RAB12: variants seen among roughly 807,000 people sequenced by gnomAD.
RAB12 encodes the protein ras-related protein Rab-12.
Under a neutral mutation model 28.4 loss-of-function variants are expected in RAB12, and 11 were observed. The observed-to-expected ratio is 0.39, with a 90% CI of 0.24 to 0.64. RAB12 has a LOEUF of 0.64. Ranked by LOEUF, RAB12 falls within the 30% of genes least tolerant of loss-of-function variation. RAB12 has a pLI of 0.50. For synonymous variants in RAB12, 138 were observed against 145.3 expected, an observed-to-expected ratio of 0.95 and a Z score of 0.36; for missense variants, 276 against 351.1, an observed-to-expected ratio of 0.79 and a Z score of 1.71.
chr18:8,622,037 A>G (rs988878310), intron 1 of RAB12, among the ~76,000 whole-genome samples: 4 of 152,188 alleles, frequency 2.6e-5, no homozygotes, highest in Non-Finnish European at 5.9e-5. Context: ...GGAGTTCGGT[A>G]AGTTGTTCAA....
intron 2 of RAB12, among the ~76,000 whole-genome samples, chr18:8,632,013 A>G (rs1259846004): frequency 6.6e-6 from 1 of 152,148 alleles, no homozygotes; most frequent in East Asian, 1.9e-4. Context: ...CTGGGCTGGT[A>G]GCTTACACCT....
chr18:8,623,641 G>A (rs1223992736), intron 1 of RAB12, among the ~76,000 whole-genome samples: 1 of 152,206 alleles, frequency 6.6e-6, no homozygotes, highest in Non-Finnish European at 1.5e-5. Flanking sequence ...CCTGGGTCAA[G>A]GCAGTGTCTG....
chr18:8,632,697 A>AAGTG (rs201838879), intron 2 of RAB12, among the ~76,000 whole-genome samples: 3,639 of 152,192 alleles, frequency 0.024, 70 homozygotes, highest in South Asian at 0.073. Flanking sequence ...GGAGTGGGTC[A>AAGTG]TGCATGTGTA....
chr18:8,637,792 A>G (rs2096019765), intron 5 of RAB12, among the ~76,000 whole-genome samples: 1 of 152,208 alleles, frequency 6.6e-6, no homozygotes, highest in African/African-American at 2.4e-5. Flanking sequence ...ATTTTATACC[A>G]TGTTCTTAAA....
intron 5 of RAB12, 114 bp from the exon 6 acceptor site, chr18:8,638,035 G>T: frequency 1.6e-6 from 1 of 642,826 alleles, no homozygotes; most frequent in Middle Eastern, 3.3e-4. Context: ...AACTTGTATT[G>T]AAAAGCAGCT....
At chr18:8,625,930 C>T (rs1189862761) in intron 2 of RAB12, among the ~76,000 whole-genome samples, 1 of 152,212 alleles carries the variant, frequency 6.6e-6, no homozygotes, top group Non-Finnish European at 1.5e-5. Flanking sequence ...CATTCTTCAT[C>T]CGTGTCCCTG....
intron 2 of RAB12, among the ~76,000 whole-genome samples, chr18:8,625,208 G>T (rs2096012019): frequency 6.6e-6 from 1 of 152,228 alleles, no homozygotes; most frequent in South Asian, 2.1e-4. Flanking sequence ...GGGAGCAGTT[G>T]TGGACAGAAG....
rs935010095 is a variant in RAB12 at position 8,639,102 on chromosome 18, C to A, written c.*840C>A. The A allele has an allele frequency of 1.4e-5, 2 of 139,162 alleles. No homozygotes were observed. Among genetic ancestry groups the A allele is most frequent in the Admixed American group, 1.5e-4 (2 of 13,120 alleles). The allele number at this position is 139,162 out of a possible 1,614,324, so 8.6% of individuals were successfully genotyped here. On this transcript the variant is annotated 3_prime_UTR_variant, in exon 6 of 6. Coordinates refer to ENST00000649141, the MANE Select transcript of RAB12 (RefSeq NM_001025300.3). ...TACCTTTGTAATGATAAAACTTCCC[C>A]CTTCTTTACGGTGAAGCTTATTCTG...
chr18:8,630,143 C>A (rs1230274215), intron 2 of RAB12, among the ~76,000 whole-genome samples: 1 of 152,198 alleles, frequency 6.6e-6, no homozygotes, highest in Admixed American at 6.5e-5. Flanking sequence ...ACACCTATGA[C>A]ACAGCATCAG....
chr18:8,618,058 C>T (rs1179947666), intron 1 of RAB12, among the ~76,000 whole-genome samples: 1 of 152,178 alleles, frequency 6.6e-6, no homozygotes, highest in Non-Finnish European at 1.5e-5. Context: ...GAGGAACTGT[C>T]CACTCACTCT....
At position 8,636,339 on chromosome 18, in the gene RAB12, C is replaced by T. The variant is rs1244757681; in HGVS notation, c.891C>T (p.Val297=). Residue 297 remains valine (V), a synonymous_variant, in exon 5 of 6, where the codon GTC becomes GTT. Transcript: ENST00000649141. ...FNVDEIFLKL[V]DDILKKMPLD... The stretch of plus-strand genomic sequence containing the variant: ...TGGACGAGATATTTTTGAAACTTGT[C>T]GATGACATTCTGAAAAAGGTAAAAA... 13 of 1,599,886 alleles carry T rather than the reference C, an allele frequency of 8.1e-6. No homozygotes were observed. The highest frequency in any genetic ancestry group is 1.1e-5 in the Non-Finnish European group (13 of 1,170,434).
chr18:8,623,375 A>T (rs1029997416), intron 1 of RAB12, among the ~76,000 whole-genome samples: 3 of 152,264 alleles, frequency 2.0e-5, no homozygotes, highest in Non-Finnish European at 4.4e-5. Flanking sequence ...ACTTCCCGCA[A>T]CAATAGAATA....
chr18:8,609,854 T>A lies in RAB12; in HGVS notation c.415T>A (p.Leu139Met). Reference protein sequence around the residue: ...KQPPRPADFKLQVIIIGSRGV... With the variant: ...KQPPRPADFKMQVIIIGSRGV... ...GCCCCCCAGGCCGGCCGACTTCAAG[T>A]TGCAGGTCATCATTATCGGCTCCCG... The change falls in exon 1 of 6, where the codon TTG becomes ATG. Residue 139 changes from leucine to methionine, a missense_variant. Physicochemically the swap from Leu to Met is conservative, Grantham distance 15. Transcript: ENST00000649141. The A allele has an allele frequency of 6.3e-7, 1 of 1,590,316 alleles. No homozygotes were observed. The highest frequency in any genetic ancestry group is 8.5e-7 in the Non-Finnish European group (1 of 1,170,162).
intron 1 of RAB12, among the ~76,000 whole-genome samples, chr18:8,610,717 C>G (rs2096003289): frequency 6.6e-6 from 1 of 152,116 alleles, no homozygotes; most frequent in Admixed American, 6.5e-5. Context: ...TGAGATTTCT[C>G]AGTTGGATGT....
chr18:8,628,043 T>C (rs1426213014), intron 2 of RAB12, among the ~76,000 whole-genome samples: 1 of 152,120 alleles, frequency 6.6e-6, no homozygotes, highest in Admixed American at 6.5e-5. Flanking sequence ...CAGAATAAGG[T>C]GGCATGCTAA....
intron 1 of RAB12, among the ~76,000 whole-genome samples, chr18:8,620,559 CT>C (rs35318465): frequency 1.9e-3 from 274 of 146,548 alleles, no homozygotes; most frequent in African/African-American, 3.8e-3. Context: ...ACTCAGATGC[CT>C]TTTTTTTTTT....
At chr18:8,611,551 T>G (rs1171507007) in intron 1 of RAB12, among the ~76,000 whole-genome samples, 1 of 152,026 alleles carries the variant, frequency 6.6e-6, no homozygotes, top group African/African-American at 2.4e-5. Context: ...TGGGGAGGGT[T>G]CCTTAGGGGA....
intron 1 of RAB12, among the ~76,000 whole-genome samples, chr18:8,612,304 C>G (rs950858984): frequency 8.5e-5 from 13 of 152,210 alleles, no homozygotes; most frequent in African/African-American, 2.7e-4. Context: ...GTTTGTTCCT[C>G]TAGTTCCTTT....
intron 4 of RAB12, 187 bp from the exon 5 acceptor site, chr18:8,636,066 C>G (rs1465099407): frequency 1.8e-6 from 1 of 563,590 alleles, no homozygotes; most frequent in Non-Finnish European, 3.2e-6. Context: ...TTTTTATTGT[C>G]TTTTGTTTTG....
Sources: gnomAD v4.1 joint callset for allele counts (sites outside exome capture counted in the v4.1 genomes callset) on GRCh38, gnomAD v4.1.1 for gene constraint, MANE v1.5 for transcripts, NCBI Gene and HGNC (gene_info 2026-07-23, HGNC 2026-07-21) for gene names.